CLDN16: variants seen among roughly 807,000 people sequenced by gnomAD.
CLDN16 encodes claudin 16, also known as claudin-16.
A neutral mutation model predicts 24.6 loss-of-function variants in CLDN16; 13 were observed. The ratio of observed to expected loss-of-function variants is 0.53; its 90% CI spans 0.34 to 0.84. CLDN16 has a LOEUF of 0.84. Ranked by LOEUF, CLDN16 falls within the 40% of genes least tolerant of loss-of-function variation. CLDN16 has a pLI of 0.01. For missense variants in CLDN16, 298 were observed against 292.7 expected (o/e 1.02, Z -0.13); for synonymous variants, 116 against 106.7 (o/e 1.09, Z -0.54).
At chr3:190,367,352 TA>T (rs1718045334) in intron 1 of CLDN16, among the ~76,000 whole-genome samples, 1 of 151,932 alleles carries the variant, frequency 6.6e-6, no homozygotes, top group South Asian at 2.1e-4. Context: ...TATTCAAAAT[TA>T]TAGGCATAAA....
intron 2 of CLDN16, among the ~76,000 whole-genome samples, chr3:190,403,342 TAATA>T (rs1199882738): frequency 6.6e-6 from 1 of 152,028 alleles, no homozygotes; most frequent in Admixed American, 6.6e-5. Flanking sequence ...AAAAATAAAA[TAATA>T]AATAAATAAA....
chr3:190,358,874 A>G (rs1258410556), intron 1 of CLDN16, among the ~76,000 whole-genome samples: 1 of 152,038 alleles, frequency 6.6e-6, no homozygotes, highest in Non-Finnish European at 1.5e-5. Context: ...GATATAATCC[A>G]ATTTAATGGG....
intron 1 of CLDN16, among the ~76,000 whole-genome samples, chr3:190,323,199 C>G (rs1716982282): frequency 6.6e-6 from 1 of 152,176 alleles, no homozygotes; most frequent in African/African-American, 2.4e-5. Flanking sequence ...AAACACCAAC[C>G]TCCTCCCCAC....
intron 1 of CLDN16, among the ~76,000 whole-genome samples, chr3:190,393,935 TAG>T (rs1461538052): frequency 1.3e-5 from 2 of 151,982 alleles, no homozygotes; most frequent in Non-Finnish European, 2.9e-5. Flanking sequence ...GTATTTTTTG[TAG>T]AGACGGGGTT....
intron 1 of CLDN16, among the ~76,000 whole-genome samples, chr3:190,351,382 A>G (rs1485302969): frequency 6.6e-6 from 1 of 152,076 alleles, no homozygotes; most frequent in Non-Finnish European, 1.5e-5. Flanking sequence ...TCTTCAGCAT[A>G]AGTGCTTCCT....
chr3:190,386,522 T>A (rs1718501731), upstream of CLDN16, among the ~76,000 whole-genome samples: 1 of 152,146 alleles, frequency 6.6e-6, no homozygotes, highest in South Asian at 2.1e-4. Flanking sequence ...GCATACAATG[T>A]GGAAATGCTG....
At chr3:190,293,823 T>C in the CLDN16 span, among the ~76,000 whole-genome samples, 1 of 152,164 alleles carries the variant, frequency 6.6e-6, no homozygotes, top group Admixed American at 6.5e-5. Flanking sequence ...GGTTTTTGTT[T>C]TGTTTGCTGT....
chr3:190,329,563 G>A (rs1180020593), intron 1 of CLDN16, among the ~76,000 whole-genome samples: 1 of 152,108 alleles, frequency 6.6e-6, no homozygotes, highest in Non-Finnish European at 1.5e-5. Context: ...CATGATTTTA[G>A]CCTGTAAGAT....
intron 1 of CLDN16, among the ~76,000 whole-genome samples, chr3:190,335,708 C>CAAAAAAAAA (rs34082811): frequency 1.0e-4 from 6 of 60,136 alleles, no homozygotes; most frequent in African/African-American, 3.3e-4. Context: ...AAGACTCCAT[C>CAAAAAAAAA]AAAAAAAAAA....
chr3:190,367,156 G>A (rs775585441), intron 1 of CLDN16, among the ~76,000 whole-genome samples: 8 of 152,000 alleles, frequency 5.3e-5, no homozygotes, highest in Non-Finnish European at 1.2e-4. Context: ...TGAAAGAAAT[G>A]AATATTCTTT....
At chr3:190,345,591 C>T (rs1717534788) in intron 1 of CLDN16, among the ~76,000 whole-genome samples, 1 of 152,148 alleles carries the variant, frequency 6.6e-6, no homozygotes, top group Non-Finnish European at 1.5e-5. Context: ...CTCTCTTTAT[C>T]ATAAGCAGCA....
intron 1 of CLDN16, among the ~76,000 whole-genome samples, chr3:190,333,262 A>G (rs890775145): frequency 6.6e-6 from 1 of 152,176 alleles, no homozygotes. Flanking sequence ...AGGAACTCTA[A>G]GGATCCACAA....
In CLDN16 at chr3:190,389,419, A is replaced by G. The variant is rs570944728; in HGVS notation, c.114+976A>G. ...AAAGTTTAAGAAAGATACTCGACTGAGTTTATATATTTTTCTTCTAATTTT... is the reference window on the plus strand; with the variant it reads ...AAAGTTTAAGAAAGATACTCGACTGGGTTTATATATTTTTCTTCTAATTTT... On this transcript the variant is annotated intron_variant, in intron 1 of 4. Transcript: ENST00000264734. Among the ~76,000 whole-genome samples, 23 of 152,324 alleles carry G rather than the reference A, an allele frequency of 1.5e-4. No individual in the cohort carries two copies. In the East Asian group the frequency reaches 4.0e-3, roughly 27 times the overall value.
At chr3:190,307,664 A>G in the CLDN16 span, 1 of 152,324 alleles carries the variant, frequency 6.6e-6, no homozygotes, top group Non-Finnish European at 1.5e-5. Flanking sequence ...ATAACGATGC[A>G]AGTGCTATAA....
intron 1 of CLDN16, among the ~76,000 whole-genome samples, chr3:190,348,271 A>T (rs1170212312): frequency 2.0e-4 from 25 of 124,174 alleles, no homozygotes; most frequent in African/African-American, 6.8e-4. Flanking sequence ...AAAAAAAAAA[A>T]GAATAAATCA....
chr3:190,355,225 T>C (rs1453898000), intron 1 of CLDN16, among the ~76,000 whole-genome samples: 5 of 151,986 alleles, frequency 3.3e-5, no homozygotes, highest in Admixed American at 3.3e-4. Context: ...AAACAGGGTT[T>C]GTCGTGGCTA....
At chr3:190,406,355 C>T (rs1405669126) in intron 3 of CLDN16, among the ~76,000 whole-genome samples, 5 of 152,124 alleles carry the variant, frequency 3.3e-5, no homozygotes, top group African/African-American at 4.8e-5. Context: ...TTTTAATATA[C>T]AATGTAATTC....
chr3:190,388,335 G>T lies in CLDN16; in HGVS notation c.6G>T (p.Arg2Ser). The change falls in exon 1 of 5, where the codon AGG becomes AGT. Residue 2 changes from arginine to serine, a missense_variant. Arg to Ser is a moderately radical substitution (Grantham distance 110). Transcript: ENST00000264734. M[R>S]DLLQYIACFF... ...CTGATGGGCTGCTTGCCACAATGAG[G>T]GATCTTCTTCAATACATCGCTTGCT... 1 of 1,614,042 alleles carries T rather than the reference G, an allele frequency of 6.2e-7. No homozygotes were observed. Among genetic ancestry groups the T allele is most frequent in the Non-Finnish European group, 8.5e-7 (1 of 1,179,990 alleles).
At chr3:190,304,144 T>G in the CLDN16 span, among the ~76,000 whole-genome samples, 3 of 152,156 alleles carry the variant, frequency 2.0e-5, no homozygotes, top group African/African-American at 2.4e-5. Flanking sequence ...GCCTTAGAAT[T>G]GGGAAGTTTC....
Sources: allele counts gnomAD v4.1 joint callset (sites outside exome capture counted in the v4.1 genomes callset), GRCh38; gene constraint gnomAD v4.1.1; transcripts MANE v1.5; gene names NCBI Gene and HGNC (gene_info 2026-07-23, HGNC 2026-07-21).